EVC2: variants seen among roughly 807,000 people sequenced by gnomAD.
The protein encoded by EVC2 is EvC ciliary complex subunit 2.
EVC2 carries 148 observed loss-of-function variants against 149.3 expected under a neutral mutation model. That is an observed-to-expected ratio of 0.99 (90% CI 0.87 to 1.14). EVC2 has a LOEUF of 1.14. Ranked by LOEUF, EVC2 falls within the 50% of genes most tolerant of loss-of-function variation. EVC2 has a pLI of 0.00. For synonymous variants in EVC2, 776 were observed against 649.9 expected (o/e 1.19, Z -2.95); for missense variants, 1,854 against 1,627.3 (o/e 1.14, Z -2.40).
chr4:5,557,691 CA>C (rs1363842045), downstream of EVC2, among the ~76,000 whole-genome samples: 6 of 151,924 alleles, frequency 3.9e-5, no homozygotes, highest in African/African-American at 1.4e-4. Flanking sequence ...AAAAAACCCC[CA>C]AAACTAATTG....
chr4:5,679,469 T>A lies in EVC2; in HGVS notation c.870+1791A>T, dbSNP rs1486294619. Among the ~76,000 whole-genome samples, 1 of 152,090 alleles carries A rather than the reference T, an allele frequency of 6.6e-6. No homozygotes were observed. The highest frequency in any genetic ancestry group is 2.4e-5 in the African/African-American group (1 of 41,414). The stretch of plus-strand genomic sequence containing the variant: ...GCCAGGCTGATCTTGAACTCCTGGC[T>A]TCAAGTGATCAGCCCACCTCAGCCT... On this transcript the variant is annotated intron_variant, in intron 7 of 21. Coordinates refer to ENST00000344408, the MANE Select transcript of EVC2 (RefSeq NM_147127.5). The surrounding 1 kb of genome is among the most constrained non-coding windows in gnomAD (Gnocchi z 5.1).
At chr4:5,599,653 A>G (rs992886297) in intron 16 of EVC2, among the ~76,000 whole-genome samples, 5 of 152,178 alleles carry the variant, frequency 3.3e-5, no homozygotes, top group African/African-American at 1.2e-4. Context: ...GCACACCAGC[A>G]TGGCACATGT....
Position 5,696,528 on chromosome 4 carries a change from C to T in EVC2, c.283+1065G>A, listed in dbSNP as rs1001571060. Among the ~76,000 whole-genome samples the T allele has an allele frequency of 2.6e-5, 4 of 152,198 alleles. No homozygotes were observed. Among genetic ancestry groups the T allele is most frequent in the South Asian group, 2.1e-4 (1 of 4,826 alleles). On this transcript the variant is annotated intron_variant, in intron 2 of 21. Coordinates refer to ENST00000344408, the MANE Select transcript of EVC2 (RefSeq NM_147127.5). This position sits in a 1 kb window ranked among gnomAD's most constrained non-coding sequence, Gnocchi z 4.1. ...GGGCCTGCACTGGAACTGTCACAGC[C>T]GCTGGGAAGTCTGCGCTGCAGGTGC...
chr4:5,628,010 G>C (rs1190472883), intron 12 of EVC2, among the ~76,000 whole-genome samples: 1 of 152,114 alleles, frequency 6.6e-6, no homozygotes, highest in Non-Finnish European at 1.5e-5. Context: ...GCAACTATAT[G>C]CAACAGTCTA....
At chr4:5,572,587 T>C (rs982351269) in intron 19 of EVC2, among the ~76,000 whole-genome samples, 1 of 152,238 alleles carries the variant, frequency 6.6e-6, no homozygotes, top group Non-Finnish European at 1.5e-5. Context: ...TACCTTGATT[T>C]CGGACTTCCC....
intron 9 of EVC2, among the ~76,000 whole-genome samples, chr4:5,648,494 C>G (rs1052206020): frequency 6.6e-6 from 1 of 152,182 alleles, no homozygotes; most frequent in Non-Finnish European, 1.5e-5. Flanking sequence ...CACCTGCTAG[C>G]TAAGGGGCCT....
chr4:5,541,517 T>C (rs1721513235), downstream of EVC2, among the ~76,000 whole-genome samples: 1 of 152,208 alleles, frequency 6.6e-6, no homozygotes, highest in East Asian at 1.9e-4. Context: ...ACCAAGCTTC[T>C]TTGAAAGCAC....
At position 5,562,987 on chromosome 4, in the gene EVC2, A is replaced by G; in HGVS notation, c.3788T>C (p.Ile1263Thr). ...APVPIVGAET[I>T]DLLNTGEKLF... is the part of the protein sequence containing the mutation. ...CTTCTCTCCTGTGTTTAATAGATCA[A>G]TGGTTTCTGCCCCTACAATGGGTAC... The change falls in exon 22 of 22, where the codon ATT becomes ACT. Residue 1263 changes from isoleucine to threonine, a missense_variant. Coordinates refer to ENST00000344408, the MANE Select transcript of EVC2 (RefSeq NM_147127.5). The surrounding 1 kb of genome is among the most constrained non-coding windows in gnomAD (Gnocchi z 4.3). 6.2e-7 allele frequency: 1 copy of G among 1,614,150 alleles called. No homozygotes were observed. The highest frequency in any genetic ancestry group is 2.2e-5 in the East Asian group (1 of 44,864).
At chr4:5,647,964 C>T (rs764044937) in intron 9 of EVC2, among the ~76,000 whole-genome samples, 11 of 152,126 alleles carry the variant, frequency 7.2e-5, no homozygotes, top group Non-Finnish European at 1.6e-4. Context: ...TGAATGTAGG[C>T]AGCAGCCTCA....
chr4:5,698,911 G>A (rs1045254185), intron 1 of EVC2, among the ~76,000 whole-genome samples: 2 of 152,242 alleles, frequency 1.3e-5, no homozygotes, highest in African/African-American at 4.8e-5. Flanking sequence ...TGTGGCTACT[G>A]TTCACATGGC....
intron 16 of EVC2, among the ~76,000 whole-genome samples, chr4:5,610,088 A>G (rs1271191595): frequency 6.6e-6 from 1 of 152,158 alleles, no homozygotes; most frequent in African/African-American, 2.4e-5. Context: ...TCATAGAGCA[A>G]TGACAGTGGC....
rs529835868 is a variant in EVC2 at position 5,612,665 on chromosome 4, A to G, written c.2829+2757T>C. The stretch of plus-strand genomic sequence containing the variant: ...AGGCCGGGCATGGTGGCTCACGCCT[A>G]TAATCCCAGCACTTTGGGAGGCCGA... On this transcript the variant is annotated intron_variant, in intron 16 of 21. Transcript: ENST00000344408. Among the ~76,000 whole-genome samples the G allele has an allele frequency of 1.3e-3, 200 of 152,254 alleles. 1 individual carries two copies. The highest frequency in any genetic ancestry group is 9.5e-3 in the Admixed American group (146 of 15,294).
chr4:5,658,123 T>C (rs1183178897), intron 9 of EVC2, among the ~76,000 whole-genome samples: 2 of 152,152 alleles, frequency 1.3e-5, no homozygotes, highest in Non-Finnish European at 2.9e-5. Context: ...ATACTCTCTA[T>C]AAGGACAAAA....
chr4:5,599,281 T>C lies in EVC2; in HGVS notation c.2830-14431A>G, dbSNP rs181520101. ...AAAGACACATGCACACGTATGTTGA[T>C]TGTGGCACTATTCACAATAGCAAAG... is the stretch of plus-strand genomic sequence containing the variant. On this transcript the variant is annotated intron_variant, in intron 16 of 21. Coordinates refer to ENST00000344408, the MANE Select transcript of EVC2 (RefSeq NM_147127.5). 9.3e-3 allele frequency among the ~76,000 whole-genome samples: 1,415 copies of C among 151,412 alleles called. 13 individuals are homozygous for C. Among genetic ancestry groups the C allele is most frequent in the Non-Finnish European group, 0.013 (905 of 67,920 alleles).
intron 1 of EVC2, among the ~76,000 whole-genome samples, chr4:5,707,077 G>C (rs924716059): frequency 2.6e-5 from 4 of 152,162 alleles, no homozygotes; most frequent in African/African-American, 9.7e-5. Flanking sequence ...AGGCACGCAG[G>C]CTCTGAACTC....
At chr4:5,579,663 G>A (rs1373491207) in intron 17 of EVC2, among the ~76,000 whole-genome samples, 7 of 152,114 alleles carry the variant, frequency 4.6e-5, no homozygotes, top group Admixed American at 4.6e-4. Flanking sequence ...CCAACATGGT[G>A]AAGCCTTGTC....
chr4:5,584,571 T>C (rs1388784359), intron 17 of EVC2, 52 bp downstream of exon 17: 5 of 1,555,770 alleles, frequency 3.2e-6, no homozygotes, highest in East Asian at 4.7e-5. Flanking sequence ...CAGAGGTAGG[T>C]ACCAGAAAGA....
chr4:5,626,904 G>T (rs915982802), intron 12 of EVC2, among the ~76,000 whole-genome samples: 1 of 152,134 alleles, frequency 6.6e-6, no homozygotes, highest in African/African-American at 2.4e-5. Flanking sequence ...CAGGCCTTCA[G>T]ATTTGGACTG....
chr4:5,669,140 C>A (rs1719469441), intron 7 of EVC2, among the ~76,000 whole-genome samples: 1 of 152,158 alleles, frequency 6.6e-6, no homozygotes, highest in Non-Finnish European at 1.5e-5. Context: ...TCTCCAGGGT[C>A]TTTATAAACA....
Sources: gnomAD v4.1 joint callset for allele counts (sites outside exome capture counted in the v4.1 genomes callset) on GRCh38, gnomAD v4.1.1 for gene constraint, Gnocchi (gnomAD v3.1) non-coding constraint, MANE v1.5 for transcripts, NCBI Gene and HGNC (gene_info 2026-07-23, HGNC 2026-07-21) for gene names.